FBN2: variants seen among roughly 807,000 people sequenced by gnomAD.
The protein encoded by FBN2 is fibrillin-2.
Under a neutral mutation model 355.6 loss-of-function variants are expected in FBN2, and 105 were observed. The ratio of observed to expected loss-of-function variants is 0.30; its 90% CI spans 0.25 to 0.35. FBN2 has a LOEUF of 0.35. FBN2 is among the 10% of genes least tolerant of loss of function. FBN2 has a pLI of 1.00. For missense variants in FBN2, 3,280 were observed against 3,758.7 expected (o/e 0.87, Z 3.33); for synonymous variants, 1,350 against 1,301.2 (o/e 1.04, Z -0.81).
At chr5:128,468,688 G>A (rs191145593) in intron 5 of FBN2, among the ~76,000 whole-genome samples, 3 of 152,136 alleles carry the variant, frequency 2.0e-5, no homozygotes, top group Admixed American at 6.5e-5. Context: ...AAACACATTT[G>A]CTTGGGAATT....
Position 128,309,293 on chromosome 5 carries a change from G to T in FBN2, c.5307C>A (p.Gly1769=), listed in dbSNP as rs755781072. The change falls in exon 41 of 65, where the codon GGC becomes GGA. Residue 1769 remains glycine (G), a synonymous_variant. Coordinates refer to ENST00000262464, the MANE Select transcript of FBN2 (RefSeq NM_001999.4). ...GTTCACAAGGTTTGTTCCAGGCTTT[G>T]CCCACATTATATGTGCAGCAGCACA... ...KRMCCCTYNV[G]KAWNKPCEPC... is the part of the protein sequence containing the mutation. The T allele has an allele frequency of 1.1e-5, 17 of 1,614,096 alleles. No individual in the cohort carries two copies. The highest frequency in any genetic ancestry group is 1.4e-5 in the Non-Finnish European group (16 of 1,179,970).
chr5:128,443,001 A>G (rs1239107870), intron 7 of FBN2, among the ~76,000 whole-genome samples: 1 of 152,214 alleles, frequency 6.6e-6, no homozygotes, highest in African/African-American at 2.4e-5. Flanking sequence ...TAAAAACTAT[A>G]TATGCTCAAA....
rs186451947 is a variant in FBN2 at position 128,524,371 on chromosome 5, C to T, written c.532+3501G>A. 2.0e-3 allele frequency among the ~76,000 whole-genome samples: 300 copies of T among 152,250 alleles called. 1 individual carries two copies. The highest frequency in any genetic ancestry group is 7.1e-3 in the African/African-American group (294 of 41,552). On this transcript the variant is annotated intron_variant, in intron 4 of 64. Coordinates refer to ENST00000262464, the MANE Select transcript of FBN2 (RefSeq NM_001999.4). ...GCTTTATTCTTCTCCTAAAACTTCT[C>T]GCTACCTAAATGTGTATTAGGTATT... is the stretch of plus-strand genomic sequence containing the variant.
chr5:128,265,418 CTCA>C (rs1448488487), intron 62 of FBN2, among the ~76,000 whole-genome samples: 2 of 151,972 alleles, frequency 1.3e-5, no homozygotes, highest in African/African-American at 4.8e-5. Context: ...CATGATATAC[CTCA>C]TATTTATATT....
chr5:128,345,720 C>A, intron 23 of FBN2, 136 bp from the exon 24 acceptor site: 2 of 751,484 alleles, frequency 2.7e-6, no homozygotes, highest in Admixed American at 2.0e-5. Flanking sequence ...CAGTCCCTGA[C>A]CTCCTGGAAT....
chr5:128,308,557 G>T (rs888867778), intron 41 of FBN2, among the ~76,000 whole-genome samples: 16 of 152,184 alleles, frequency 1.1e-4, no homozygotes, highest in African/African-American at 3.4e-4. Flanking sequence ...AGTATCTATA[G>T]TTATTAAAAG....
At chr5:128,395,985 G>A (rs974750672) in intron 8 of FBN2, among the ~76,000 whole-genome samples, 1 of 152,164 alleles carries the variant, frequency 6.6e-6, no homozygotes, top group Non-Finnish European at 1.5e-5. Flanking sequence ...CTTTGGCTGC[G>A]ATGAGAACTG....
intron 15 of FBN2, 72 bp from the exon 16 acceptor site, chr5:128,369,406 T>G: frequency 2.6e-6 from 4 of 1,525,650 alleles, no homozygotes; most frequent in Non-Finnish European, 3.6e-6. Context: ...GAAGGCTTCT[T>G]TTAACCTAAG....
At chr5:128,289,738 T>C (rs958590016) in intron 51 of FBN2, 144 bp downstream of exon 51, 6 of 627,858 alleles carry the variant, frequency 9.6e-6, no homozygotes, top group Non-Finnish European at 1.7e-5. Context: ...ATAATGTATA[T>C]GATACAAAAT....
chr5:128,352,523 CTG>C (rs761685996), intron 20 of FBN2, among the ~76,000 whole-genome samples: 2 of 152,206 alleles, frequency 1.3e-5, no homozygotes, highest in Non-Finnish European at 2.9e-5. Flanking sequence ...TAATAAATGA[CTG>C]TTAACTGATT....
chr5:128,301,463 G>A lies in FBN2; in HGVS notation c.5965C>T (p.Arg1989Cys), dbSNP rs758369648. 3 of 1,612,836 alleles carry A rather than the reference G, an allele frequency of 1.9e-6. No homozygotes were observed. The highest frequency in any genetic ancestry group is 2.2e-5 in the East Asian group (1 of 44,838). Residue 1989 changes from arginine (R) to cysteine (C), a missense_variant, in exon 47 of 65, where the codon CGT becomes TGT. Physicochemically the swap from Arg to Cys is radical, Grantham distance 180. Around this residue, in one of 6 missense-constraint regions of FBN2, gnomAD observed 2,284 missense variants for 2,749.5 expected, o/e 0.83. Coordinates refer to ENST00000262464, the MANE Select transcript of FBN2 (RefSeq NM_001999.4). Reference sequence around the variant, plus strand: ...AAAGAACCAATTTCATTAAAACAACGTCCATTTCTGCACACCTGACCAAAA... The same window carrying A: ...AAAGAACCAATTTCATTAAAACAACATCCATTTCTGCACACCTGACCAAAA... ...SFFGQVCRNGRCFNEIGSFKC... is the reference protein window; with the variant it reads ...SFFGQVCRNGCCFNEIGSFKC...
At chr5:128,525,582 T>C (rs1161587279) in intron 4 of FBN2, among the ~76,000 whole-genome samples, 6 of 152,140 alleles carry the variant, frequency 3.9e-5, no homozygotes, top group African/African-American at 7.2e-5. Flanking sequence ...ATTTAACACA[T>C]TGGCCCCTCC....
chr5:128,277,833 A>T, intron 58 of FBN2, 47 bp downstream of exon 58: 1 of 1,605,670 alleles, frequency 6.2e-7, no homozygotes, highest in South Asian at 1.1e-5. Flanking sequence ...AGGAAACAGT[A>T]GCTGATTAGC....
chr5:128,261,682 A>G (rs928569218), intron 64 of FBN2, 54 bp downstream of exon 64: 2 of 1,553,782 alleles, frequency 1.3e-6, no homozygotes, highest in Non-Finnish European at 8.9e-7. Flanking sequence ...TGCACTGTAT[A>G]CATGACTCCG....
chr5:128,487,260 A>C (rs545283860), intron 5 of FBN2, among the ~76,000 whole-genome samples: 27 of 152,288 alleles, frequency 1.8e-4, no homozygotes, highest in African/African-American at 6.0e-4. Context: ...AGTAACTATG[A>C]TGACCAAAGT....
intron 62 of FBN2, 118 bp downstream of exon 62, chr5:128,271,881 G>T: frequency 8.4e-7 from 1 of 1,196,944 alleles, no homozygotes; most frequent in Non-Finnish European, 1.2e-6. Flanking sequence ...TAAGGACTGG[G>T]TTTAAAGTCT....
In FBN2 at chr5:128,486,190, G is replaced by A. The variant is rs182254034; in HGVS notation, c.629-21269C>T. Reference sequence around the variant, plus strand: ...TTCTTCTTAGTACTATCATAAACCCGTCAAATCTTAGAAGAAACAAAACAC... The same window carrying A: ...TTCTTCTTAGTACTATCATAAACCCATCAAATCTTAGAAGAAACAAAACAC... On this transcript the variant is annotated intron_variant, in intron 5 of 64. Coordinates refer to ENST00000262464, the MANE Select transcript of FBN2 (RefSeq NM_001999.4). Among the ~76,000 whole-genome samples, 38 of 152,108 alleles carry A rather than the reference G, an allele frequency of 2.5e-4. No individual in the cohort carries two copies. The South Asian group carries it at 3.5e-3, about 14-fold the overall frequency.
intron 6 of FBN2, among the ~76,000 whole-genome samples, chr5:128,451,038 A>G (rs905131460): frequency 6.6e-6 from 1 of 152,148 alleles, no homozygotes; most frequent in African/African-American, 2.4e-5. Flanking sequence ...AAACCATAGT[A>G]TATGTGTTTT....
chr5:128,459,491 CACAACA>C (rs138749705), intron 6 of FBN2, among the ~76,000 whole-genome samples: 71 of 151,672 alleles, frequency 4.7e-4, no homozygotes, highest in Non-Finnish European at 8.4e-4. Context: ...CTGGCAGAGA[CACAACA>C]ACAACAACAA....
Sources: allele counts gnomAD v4.1 joint callset (sites outside exome capture counted in the v4.1 genomes callset), GRCh38; gene constraint gnomAD v4.1.1; regional missense constraint gnomAD v4.1.1; transcripts MANE v1.5; gene names NCBI Gene and HGNC (gene_info 2026-07-23, HGNC 2026-07-21).